The following RNF150 variants were observed in gnomAD, a reference collection of about 807,000 sequenced individuals.
RNF150 encodes ring finger protein 150.
In RNF150, 24 loss-of-function variants were observed where a neutral mutation model predicts 39.3. The ratio of observed to expected loss-of-function variants is 0.61; its 90% CI spans 0.44 to 0.86. RNF150 has a LOEUF of 0.86. Ranked by LOEUF, RNF150 falls within the 40% of genes least tolerant of loss-of-function variation. The pLI, the probability that RNF150 is intolerant of heterozygous loss-of-function variation, is 0.00. For missense variants in RNF150, 502 were observed against 587.8 expected (o/e 0.85, Z 1.51); for synonymous variants, 255 against 227.3 (o/e 1.12, Z -1.10).
intron 1 of RNF150, among the ~76,000 whole-genome samples, chr4:141,106,676 C>T (rs1164551687): frequency 6.6e-6 from 1 of 151,998 alleles, no homozygotes; most frequent in Admixed American, 6.6e-5. Context: ...CGCCTGTAGT[C>T]CCAGCTGCTT....
Position 141,208,561 on chromosome 4 carries a change from T to C in RNF150, c.-6+4233A>G, listed in dbSNP as rs184578631. 3.9e-5 allele frequency among the ~76,000 whole-genome samples: 6 copies of C among 152,364 alleles called. No homozygotes were observed. In the East Asian group the frequency reaches 9.6e-4, roughly 24 times the overall value. On this transcript the variant is annotated intron_variant, in intron 1 of 7. Coordinates refer to the RNF150 transcript ENST00000420921. ...CAGAATCATGGAATGCTAGCAGCTA[T>C]ACCTTAATTCTTTCCTTTTCAATTT...
At chr4:141,112,805 A>T (rs910987076) in intron 1 of RNF150, among the ~76,000 whole-genome samples, 1 of 152,026 alleles carries the variant, frequency 6.6e-6, no homozygotes, top group Non-Finnish European at 1.5e-5. Flanking sequence ...CCTGGATGGT[A>T]TCCGGAAGTG....
At chr4:140,893,321 C>A (rs996897011) in intron 6 of RNF150, among the ~76,000 whole-genome samples, 1 of 152,148 alleles carries the variant, frequency 6.6e-6, no homozygotes, top group African/African-American at 2.4e-5. Flanking sequence ...AAAGTTATCA[C>A]TTGAATGTAC....
chr4:141,092,432 T>A (rs1738621126), intron 1 of RNF150, among the ~76,000 whole-genome samples: 1 of 152,180 alleles, frequency 6.6e-6, no homozygotes, highest in African/African-American at 2.4e-5. Context: ...CTTAAAAAAA[T>A]TTGTATTCAT....
chr4:140,888,607 G>A (rs1729657447), intron 6 of RNF150, among the ~76,000 whole-genome samples: 1 of 152,164 alleles, frequency 6.6e-6, no homozygotes, highest in Non-Finnish European at 1.5e-5. Context: ...GCTCAACAAG[G>A]TAAGGATACA....
At chr4:140,924,216 G>A (rs1338439313) in intron 5 of RNF150, among the ~76,000 whole-genome samples, 2 of 152,088 alleles carry the variant, frequency 1.3e-5, no homozygotes, top group Non-Finnish European at 2.9e-5. Flanking sequence ...GACTTGTTAG[G>A]CATCAAACCA....
intron 1 of RNF150, among the ~76,000 whole-genome samples, chr4:140,971,688 T>C (rs1229292394): frequency 1.3e-5 from 2 of 152,092 alleles, no homozygotes; most frequent in African/African-American, 4.8e-5. Flanking sequence ...CCCTTGAGAG[T>C]GCTCCATTGC....
At chr4:140,977,658 C>A (rs1417418812) in intron 1 of RNF150, among the ~76,000 whole-genome samples, 1 of 152,152 alleles carries the variant, frequency 6.6e-6, no homozygotes, top group Non-Finnish European at 1.5e-5. Flanking sequence ...GAATTCCCAA[C>A]CAGAGTCACT....
chr4:141,206,176 T>A (rs1728371842), intron 1 of RNF150, among the ~76,000 whole-genome samples: 1 of 151,972 alleles, frequency 6.6e-6, no homozygotes, highest in South Asian at 2.1e-4. Context: ...TCCTAGCACT[T>A]TGGGAGGCCG....
At position 140,864,349 on chromosome 4, in the gene RNF150, T is replaced by C. The variant is rs923535243; in HGVS notation, c.*3912A>G. 6 of 152,198 alleles carry C rather than the reference T, an allele frequency of 3.9e-5. No individual in the cohort carries two copies. Among genetic ancestry groups the C allele is most frequent in the African/African-American group, 1.4e-4 (6 of 41,442 alleles). 9.4% of individuals were successfully genotyped at this position (152,198 alleles called of 1,614,324 possible). ...GCTGTATTCATAGTCAGGGCTCAGC[T>C]CTTCCAAAGGGACTAGCCACATAGG... On this transcript the variant is annotated 3_prime_UTR_variant, in exon 7 of 7. Transcript: ENST00000515673.
chr4:140,939,494 C>A (rs1731992895), intron 4 of RNF150, among the ~76,000 whole-genome samples: 1 of 152,076 alleles, frequency 6.6e-6, no homozygotes, highest in Non-Finnish European at 1.5e-5. Flanking sequence ...AATCAGTTAT[C>A]TATTTAGAAT....
intron 1 of RNF150, among the ~76,000 whole-genome samples, chr4:141,043,139 A>G (rs1023112594): frequency 1.3e-5 from 2 of 152,198 alleles, no homozygotes; most frequent in Non-Finnish European, 2.9e-5. Flanking sequence ...TCTTTTGGGT[A>G]GTAAGTCTAC....
At chr4:140,910,817 C>T (rs898798514) in intron 6 of RNF150, among the ~76,000 whole-genome samples, 1 of 152,160 alleles carries the variant, frequency 6.6e-6, no homozygotes, top group Non-Finnish European at 1.5e-5. Flanking sequence ...CACCTGCCCT[C>T]CAGTCTGAGA....
intron 1 of RNF150, among the ~76,000 whole-genome samples, chr4:141,210,859 C>G (rs1276646866): frequency 1.3e-5 from 2 of 152,170 alleles, no homozygotes; most frequent in Non-Finnish European, 2.9e-5. Context: ...TCATGTAACT[C>G]AATTCTGGTC....
chr4:141,095,034 G>T (rs1004259192), intron 1 of RNF150, among the ~76,000 whole-genome samples: 1 of 152,194 alleles, frequency 6.6e-6, no homozygotes, highest in African/African-American at 2.4e-5. Flanking sequence ...CCCTATCAGA[G>T]AGCTGAGAGT....
intron 6 of RNF150, among the ~76,000 whole-genome samples, chr4:140,875,361 C>T (rs1398289805): frequency 6.6e-6 from 1 of 151,910 alleles, no homozygotes; most frequent in African/African-American, 2.4e-5. Context: ...TTTTTTCATA[C>T]AGATGGAGTC....
At chr4:140,871,337 A>AAG (rs1322921677) in intron 6 of RNF150, among the ~76,000 whole-genome samples, 1 of 152,068 alleles carries the variant, frequency 6.6e-6, no homozygotes, top group Non-Finnish European at 1.5e-5. Flanking sequence ...ACAATTCTTC[A>AAG]AATTGTTTTT....
intron 1 of RNF150, among the ~76,000 whole-genome samples, chr4:141,139,362 A>C (rs2111123423): frequency 6.6e-6 from 1 of 152,336 alleles, no homozygotes; most frequent in African/African-American, 2.4e-5. Context: ...CATCTAGGTG[A>C]ATTGTGAAGG....
chr4:141,123,733 G>A (rs1578751520), intron 1 of RNF150, among the ~76,000 whole-genome samples: 1 of 152,086 alleles, frequency 6.6e-6, no homozygotes, highest in East Asian at 1.9e-4. Flanking sequence ...CCTGGTGTGT[G>A]GTGTTCCCCA....
Sources: gnomAD v4.1 joint callset for allele counts (sites outside exome capture counted in the v4.1 genomes callset) on GRCh38, gnomAD v4.1.1 for gene constraint, MANE v1.5 for transcripts, NCBI Gene and HGNC (gene_info 2026-07-23, HGNC 2026-07-21) for gene names.